SMAP1: variants seen among roughly 807,000 people sequenced by gnomAD.
The protein encoded by SMAP1 is small ArfGAP 1.
SMAP1 carries 24 observed loss-of-function variants against 58.5 expected under a neutral mutation model. The ratio of observed to expected loss-of-function variants is 0.41; its 90% CI spans 0.30 to 0.58. SMAP1 has a LOEUF of 0.58. SMAP1 is among the 20% of genes least tolerant of loss of function. The probability of loss-of-function intolerance (pLI) is 0.29; values close to 1 mark genes in which losing one functional copy is unlikely to be tolerated. For missense variants in SMAP1, 563 were observed against 566.3 expected, an observed-to-expected ratio of 0.99 and a Z score of 0.06; for synonymous variants, 216 against 196.6, an observed-to-expected ratio of 1.10 and a Z score of -0.82.
chr6:70,857,109 T>TATC (rs1240344851), intron 9 of SMAP1, 79 bp downstream of exon 9: 3 of 1,364,988 alleles, frequency 2.2e-6, no homozygotes, highest in East Asian at 2.5e-5. Flanking sequence ...ATCAATTATA[T>TATC]ATCTTTTATT....
chr6:70,756,872 T>G (rs1042468757), intron 3 of SMAP1, among the ~76,000 whole-genome samples: 1 of 151,788 alleles, frequency 6.6e-6, no homozygotes, highest in African/African-American at 2.4e-5. Context: ...TAAAAGAGGA[T>G]ACAAACAAAT....
chr6:70,765,447 A>G (rs903989609), intron 3 of SMAP1, among the ~76,000 whole-genome samples: 5 of 152,234 alleles, frequency 3.3e-5, no homozygotes, highest in African/African-American at 1.2e-4. Context: ...AGTTATATAC[A>G]TACATTTAAG....
chr6:70,745,531 A>G (rs566911591), intron 2 of SMAP1, among the ~76,000 whole-genome samples: 51 of 152,178 alleles, frequency 3.4e-4, no homozygotes, highest in Admixed American at 1.5e-3. Context: ...CCATTGGTCT[A>G]TCTCTCTGTT....
intron 1 of SMAP1, among the ~76,000 whole-genome samples, chr6:70,676,500 G>A (rs1330284619): frequency 6.6e-6 from 1 of 152,130 alleles, no homozygotes; most frequent in Non-Finnish European, 1.5e-5. Context: ...ATTTGAGCCC[G>A]GGAGATATAG....
At chr6:70,852,238 A>G (rs1400026928) in intron 7 of SMAP1, among the ~76,000 whole-genome samples, 1 of 152,168 alleles carries the variant, frequency 6.6e-6, no homozygotes, top group Non-Finnish European at 1.5e-5. Context: ...ATAAAAATCT[A>G]TGATCTTATT....
At chr6:70,750,058 A>G (rs1486655138) in intron 2 of SMAP1, among the ~76,000 whole-genome samples, 1 of 150,580 alleles carries the variant, frequency 6.6e-6, no homozygotes, top group Non-Finnish European at 1.5e-5. Flanking sequence ...ATTATATTTA[A>G]TTATTGTTTC....
At chr6:70,757,201 C>A (rs1379297612) in intron 3 of SMAP1, among the ~76,000 whole-genome samples, 2 of 149,846 alleles carry the variant, frequency 1.3e-5, no homozygotes, top group Admixed American at 1.3e-4. Context: ...ACAGAGCCCT[C>A]AGAAATAACG....
chr6:70,843,730 C>T (rs900301950), intron 7 of SMAP1, among the ~76,000 whole-genome samples: 7 of 152,100 alleles, frequency 4.6e-5, no homozygotes, highest in African/African-American at 1.7e-4. Context: ...AGAGGTAGTA[C>T]CTGGGTTTTG....
At chr6:70,811,205 A>G (rs986282272) in intron 6 of SMAP1, among the ~76,000 whole-genome samples, 1 of 152,124 alleles carries the variant, frequency 6.6e-6, no homozygotes, top group Non-Finnish European at 1.5e-5. Flanking sequence ...CAGTTTCTTC[A>G]TATGTAAATC....
chr6:70,671,432 G>C (rs189467115), intron 1 of SMAP1, among the ~76,000 whole-genome samples: 15 of 152,244 alleles, frequency 9.9e-5, no homozygotes, highest in Admixed American at 6.5e-4. Context: ...CATTAGCCAG[G>C]CATGGTGGCA....
At chr6:70,735,857 C>G (rs959923618) in intron 2 of SMAP1, among the ~76,000 whole-genome samples, 1 of 152,132 alleles carries the variant, frequency 6.6e-6, no homozygotes. Context: ...CTTTGTCTTT[C>G]CCTGCAACAT....
rs1411374839 is a variant in SMAP1, at chr6:70,798,711, C to A, written c.550C>A (p.Pro184Thr). The A allele has an allele frequency of 6.4e-7, 1 of 1,558,382 alleles. No individual in the cohort carries two copies. Among genetic ancestry groups the A allele is most frequent in the Admixed American group, 1.9e-5 (1 of 54,048 alleles). Residue 184 changes from proline (P) to threonine (T), a missense_variant, in exon 6 of 11, where the codon CCG becomes ACG. Around this residue, in one of 3 missense-constraint regions of SMAP1, gnomAD observed 494 missense variants for 473.8 expected, o/e 1.04. Coordinates refer to ENST00000370455, the MANE Select transcript of SMAP1 (RefSeq NM_001044305.3). Reference protein sequence around the residue: ...EKKREKEPEKPAKPLTAEKLQ... With the variant: ...EKKREKEPEKTAKPLTAEKLQ... ...AAAGAGAGAAAAGGAGCCAGAAAAG[C>A]CGGCAAAACCACTTACAGCTGAAAA...
intron 3 of SMAP1, among the ~76,000 whole-genome samples, chr6:70,770,130 A>T (rs1767209473): frequency 6.6e-6 from 1 of 151,808 alleles, no homozygotes. Flanking sequence ...TGTTAGTCTG[A>T]TGGGCTTCCC....
chr6:70,837,763 A>AT (rs1450337052), intron 7 of SMAP1: 6 of 1,218,960 alleles, frequency 4.9e-6, no homozygotes, highest in Non-Finnish European at 6.3e-6. Context: ...AATAATTTAA[A>AT]TTTTTCTTTT....
chr6:70,841,468 A>G lies in SMAP1; in HGVS notation c.664+4440A>G, dbSNP rs16869505. ...AAAGAATCGAGTCATGATCTTGGTA[A>G]TGAAAATCTAGCTCAGGGGTGTACA... is the stretch of plus-strand genomic sequence containing the variant. On this transcript the variant is annotated intron_variant, in intron 7 of 10. Transcript: ENST00000370455. Among the ~76,000 whole-genome samples the G allele has an allele frequency of 7.1e-3, 947 of 132,866 alleles. 13 individuals are homozygous for G. The highest frequency in any genetic ancestry group is 0.026 in the African/African-American group (900 of 34,364). The allele number at this position is 132,866 out of a possible 152,430, so 87.2% of individuals were successfully genotyped here.
At chr6:70,703,835 G>C (rs1345071367) in intron 1 of SMAP1, among the ~76,000 whole-genome samples, 1 of 152,178 alleles carries the variant, frequency 6.6e-6, no homozygotes, top group Admixed American at 6.5e-5. Context: ...ATTTCCTGGA[G>C]TTAGGGAGGC....
intron 7 of SMAP1, among the ~76,000 whole-genome samples, chr6:70,843,895 G>A (rs1770892615): frequency 6.6e-6 from 1 of 152,202 alleles, no homozygotes; most frequent in African/African-American, 2.4e-5. Context: ...GGTCATGGGA[G>A]ATCACCAAGA....
At chr6:70,781,048 A>G (rs1235407095) in intron 4 of SMAP1, among the ~76,000 whole-genome samples, 1 of 152,196 alleles carries the variant, frequency 6.6e-6, no homozygotes, top group Admixed American at 6.5e-5. Flanking sequence ...TGAATACTCA[A>G]ACTTAATTAT....
intron 7 of SMAP1, among the ~76,000 whole-genome samples, chr6:70,843,672 A>T (rs1203210946): frequency 6.6e-6 from 1 of 152,228 alleles, no homozygotes; most frequent in East Asian, 1.9e-4. Context: ...CCCATTCATC[A>T]AATCAATAGA....
Sources: gnomAD v4.1 joint callset for allele counts (sites outside exome capture counted in the v4.1 genomes callset) on GRCh38, gnomAD v4.1.1 for gene constraint, gnomAD v4.1.1 regional missense constraint, MANE v1.5 for transcripts, NCBI Gene and HGNC (gene_info 2026-07-23, HGNC 2026-07-21) for gene names.